RANBP17: variants seen among roughly 807,000 people sequenced by gnomAD.
RANBP17 encodes ran-binding protein 17.
RANBP17 carries 158 observed loss-of-function variants against 141.2 expected under a neutral mutation model. The ratio of observed to expected loss-of-function variants is 1.12; its 90% CI spans 0.98 to 1.28. The LOEUF is 1.28. RANBP17 is among the 50% of genes most tolerant of loss of function. The pLI is 0.00. For synonymous variants in RANBP17, 430 were observed against 450.0 expected (o/e 0.96, Z 0.56); for missense variants, 1,438 against 1,290.7 (o/e 1.11, Z -1.75).
intron 12 of RANBP17, among the ~76,000 whole-genome samples, chr5:170,944,676 A>G (rs1479012827): frequency 2.0e-5 from 3 of 152,210 alleles, no homozygotes; most frequent in Non-Finnish European, 4.4e-5. Flanking sequence ...TTCATTTCTC[A>G]TACAATAGAA....
At chr5:170,992,498 C>T (rs1778572615) in intron 14 of RANBP17, among the ~76,000 whole-genome samples, 1 of 151,868 alleles carries the variant, frequency 6.6e-6, no homozygotes. Context: ...AAAAAATAAG[C>T]ATTGCCCAGT....
rs111264070 is a variant in RANBP17 at position 171,170,198 on chromosome 5, A to G, written c.1779A>G (p.Thr593=). The change falls in exon 15 of 28, where the codon ACA becomes ACG. Residue 593 remains threonine (T), a synonymous_variant. Transcript: ENST00000523189. ...ACCACGTTCTAGAGACGTTCATGAC[A>G]AAAATGTGAGTTCTTGTTTTGGTCT... The part of the protein sequence containing the change: ...DDNHVLETFM[T]KIVTNLKYWG... 2.5e-5 allele frequency: 39 copies of G among 1,552,934 alleles called. 2 individuals are homozygous for G. The African/African-American group carries it at 3.4e-4, about 14-fold the overall frequency.
In RANBP17 at chr5:171,097,608, T is replaced by TTTTTTA. The variant is rs767720538; in HGVS notation, c.1711-72520_1711-72519insTTTATT. On this transcript the variant is annotated intron_variant, in intron 14 of 27. Coordinates refer to ENST00000523189, the MANE Select transcript of RANBP17 (RefSeq NM_022897.5). ...AAAACCTTAACCTGTATGTAGTCTT[T>TTTTTTA]TTATTATTATTATTATTATTATTAT... Among the ~76,000 whole-genome samples the TTTTTTA allele has an allele frequency of 5.7e-5, 8 of 141,392 alleles. 1 individual carries two copies. The East Asian group carries it at 8.2e-4, about 15-fold the overall frequency. The allele number at this position is 141,392 out of a possible 152,430, so 92.8% of individuals were successfully genotyped here.
intron 25 of RANBP17, among the ~76,000 whole-genome samples, chr5:171,277,633 G>GTATATATATATATATATATA (rs1767582267): frequency 5.1e-5 from 1 of 19,616 alleles, no homozygotes; most frequent in African/African-American, 4.4e-4. Flanking sequence ...ATACATATAT[G>GTATATATATATATATATATA]TATGTATATA....
intron 1 of RANBP17, chr5:170,866,813 G>A (rs1371892390): frequency 1.3e-5 from 2 of 152,112 alleles, no homozygotes; most frequent in Non-Finnish European, 2.9e-5. Flanking sequence ...ATGGTGAACA[G>A]ACAGGGCTGA....
intron 25 of RANBP17, among the ~76,000 whole-genome samples, chr5:171,275,891 A>T (rs966717210): frequency 2.6e-5 from 4 of 152,196 alleles, no homozygotes; most frequent in Non-Finnish European, 4.4e-5. Context: ...ACGCTGAAGA[A>T]GGAGTGGAGG....
Position 171,199,698 on chromosome 5 carries a change from C to T in RANBP17, c.2067C>T (p.Phe689=), listed in dbSNP as rs900499931. The T allele has an allele frequency of 1.2e-6, 2 of 1,609,864 alleles. No individual in the cohort carries two copies. The highest frequency in any genetic ancestry group is 1.7e-6 in the Non-Finnish European group (2 of 1,177,620). The part of the protein sequence containing the change: ...LGEDEDEFEN[F]MLPLTVAFET... ...AAGATGAGGATGAATTTGAGAATTTCATGCTGCCTCTTACAGTTGCTTTTG... is the reference window on the plus strand; with the variant it reads ...AAGATGAGGATGAATTTGAGAATTTTATGCTGCCTCTTACAGTTGCTTTTG... Residue 689 remains phenylalanine (F), a synonymous_variant, in exon 19 of 28, where the codon TTC becomes TTT. Coordinates refer to ENST00000523189, the MANE Select transcript of RANBP17 (RefSeq NM_022897.5).
chr5:170,933,587 G>A (rs1208931202), intron 12 of RANBP17, among the ~76,000 whole-genome samples: 1 of 152,216 alleles, frequency 6.6e-6, no homozygotes, highest in Non-Finnish European at 1.5e-5. Context: ...TGCTTTAAAT[G>A]TGTCCCAGAG....
chr5:170,997,349 G>C (rs1306433062), intron 14 of RANBP17, among the ~76,000 whole-genome samples: 1 of 152,076 alleles, frequency 6.6e-6, no homozygotes, highest in Non-Finnish European at 1.5e-5. Flanking sequence ...GTTCAATCCA[G>C]CGTCCTGTAT....
chr5:171,033,202 G>A (rs1165767205), intron 14 of RANBP17, among the ~76,000 whole-genome samples: 1 of 151,934 alleles, frequency 6.6e-6, no homozygotes, highest in East Asian at 1.9e-4. Context: ...TAGGTAGAAA[G>A]CTTTAAACTT....
In RANBP17 at chr5:171,241,070, G is replaced by A; in HGVS notation, c.2565G>A (p.Gly855=). The change falls in exon 23 of 28, where the codon GGG becomes GGA. Residue 855 remains glycine, a synonymous_variant. Transcript: ENST00000523189. ...YVSFGVFKLY[G]DNHFDNVLQA... ...GCTTTGGCGTCTTCAAGTTGTATGGGGACAACCATTTTGACAATGTACTCC... is the reference window on the plus strand; with the variant it reads ...GCTTTGGCGTCTTCAAGTTGTATGGAGACAACCATTTTGACAATGTACTCC... 1.2e-6 allele frequency: 2 copies of A among 1,613,680 alleles called. No homozygotes were observed. The highest frequency in any genetic ancestry group is 1.3e-5 in the African/African-American group (1 of 74,898).
At chr5:171,207,111 A>G (rs1762624902) in intron 20 of RANBP17, 1 of 163,898 alleles carries the variant, frequency 6.1e-6, no homozygotes, top group African/African-American at 2.4e-5. Flanking sequence ...GTGGTGCTAC[A>G]GGTGTGCTCC....
intron 27 of RANBP17, among the ~76,000 whole-genome samples, chr5:171,296,784 G>A (rs943710995): frequency 1.3e-5 from 2 of 152,128 alleles, no homozygotes; most frequent in Admixed American, 6.6e-5. Flanking sequence ...ATGGTGGCAC[G>A]TGCCTGTAGT....
At chr5:171,185,852 T>C (rs900601913) in intron 18 of RANBP17, among the ~76,000 whole-genome samples, 2 of 152,228 alleles carry the variant, frequency 1.3e-5, no homozygotes, top group African/African-American at 4.8e-5. Flanking sequence ...GTGAGTCCTT[T>C]CCAGAAGGTT....
At chr5:171,027,129 T>G (rs150584296) in intron 14 of RANBP17, among the ~76,000 whole-genome samples, 16 of 152,312 alleles carry the variant, frequency 1.1e-4, no homozygotes, top group African/African-American at 3.8e-4. Context: ...CCAAAAACAC[T>G]GGGGACCTCT....
intron 14 of RANBP17, among the ~76,000 whole-genome samples, chr5:171,154,207 T>C (rs1284374948): frequency 6.6e-6 from 1 of 151,666 alleles, no homozygotes; most frequent in Non-Finnish European, 1.5e-5. Flanking sequence ...AACCTACTCC[T>C]CTTAGTTGGC....
chr5:171,190,318 G>A (rs1452918426), intron 18 of RANBP17, among the ~76,000 whole-genome samples: 1 of 152,154 alleles, frequency 6.6e-6, no homozygotes, highest in Non-Finnish European at 1.5e-5. Flanking sequence ...GAAAATGGCG[G>A]CGGGGCAGGG....
intron 1 of RANBP17, among the ~76,000 whole-genome samples, chr5:170,871,376 GT>G (rs930215137): frequency 2.6e-5 from 4 of 152,020 alleles, no homozygotes; most frequent in African/African-American, 7.2e-5. Flanking sequence ...TGATGGGGTT[GT>G]TTTTTTCTTT....
chr5:170,943,847 C>T (rs1195892388), intron 12 of RANBP17, among the ~76,000 whole-genome samples: 1 of 152,098 alleles, frequency 6.6e-6, no homozygotes, highest in Non-Finnish European at 1.5e-5. Flanking sequence ...ATCCTATCAC[C>T]TTCCATAGTT....
Sources: gnomAD v4.1 joint callset for allele counts (sites outside exome capture counted in the v4.1 genomes callset) on GRCh38, gnomAD v4.1.1 for gene constraint, MANE v1.5 for transcripts, NCBI Gene and HGNC (gene_info 2026-07-23, HGNC 2026-07-21) for gene names.